SLC2A1: variants seen among roughly 807,000 people sequenced by gnomAD.
SLC2A1 encodes the protein solute carrier family 2, facilitated glucose transporter member 1.
SLC2A1 carries 4 observed loss-of-function variants against 46.6 expected under a neutral mutation model. The observed-to-expected ratio is 0.09, with a 90% CI of 0.04 to 0.20. The LOEUF (loss-of-function observed/expected upper bound fraction) is 0.20. Ranked by LOEUF, SLC2A1 falls within the 10% of genes least tolerant of loss-of-function variation. The pLI, the probability that SLC2A1 is intolerant of heterozygous loss-of-function variation, is 1.00. For synonymous variants in SLC2A1, 253 were observed against 270.0 expected, an observed-to-expected ratio of 0.94 and a Z score of 0.62; for missense variants, 352 against 667.0, an observed-to-expected ratio of 0.53 and a Z score of 5.20.
Position 42,958,868 on chromosome 1 carries a change from T to A in SLC2A1, c.-217A>T. 7.4e-6 allele frequency: 4 copies of A among 538,658 alleles called. No individual in the cohort carries two copies. The highest frequency in any genetic ancestry group is 3.4e-4 in the Middle Eastern group (1 of 2,972). The allele number at this position is 538,658 out of a possible 1,614,324, so 33.4% of individuals were successfully genotyped here. A position where few individuals can be genotyped will look rare whatever the true frequency, so the allele number is the denominator to read the frequency against. ...CTCGCTGTTGCTACCTCTTGCCTCT[T>A]GCCAGAGAGCGCGCGGACCGTAGCG... On this transcript the variant is annotated 5_prime_UTR_variant, in exon 1 of 10. Coordinates refer to ENST00000426263, the MANE Select transcript of SLC2A1 (RefSeq NM_006516.4).
intron 8 of SLC2A1, 42 bp downstream of exon 8, chr1:42,928,890 A>AACTCTCCCGCATCCCTC (rs1254910588): frequency 6.4e-7 from 1 of 1,567,028 alleles, no homozygotes; most frequent in East Asian, 2.2e-5. Context: ...AGCCCAGGCA[A>AACTCTCCCGCATCCCTC]ACTCTCCCGC....
chr1:42,929,743 A>G lies in SLC2A1; in HGVS notation c.717T>C (p.His239=), dbSNP rs1643467411. 1.1e-5 allele frequency: 17 copies of G among 1,614,126 alleles called. No homozygotes were observed. Among genetic ancestry groups the G allele is most frequent in the Non-Finnish European group, 1.4e-5 (16 of 1,180,014 alleles). ...KKLRGTADVT[H]DLQEMKEESR... ...TCTCTTCCTTCATCTCCTGCAGGTC[A>G]TGGGTCACGTCAGCTGTCCCGCGCA... The change falls in exon 6 of 10, where the codon CAT becomes CAC. Residue 239 remains histidine, a synonymous_variant. Transcript: ENST00000426263. The surrounding 1 kb of genome is among the most constrained non-coding windows in gnomAD (Gnocchi z 6.0).
rs780919585 is a variant in SLC2A1, at chr1:42,929,564, G to A, written c.867+29C>T. ...CACTTGACCAGAGGGCTTGGCTGGG[G>A]CACAGGAAGGGTGGGTGGGGGCACT... On this transcript the variant is annotated intron_variant, in intron 6 of 9. Coordinates refer to ENST00000426263, the MANE Select transcript of SLC2A1 (RefSeq NM_006516.4). The surrounding 1 kb of genome is among the most constrained non-coding windows in gnomAD (Gnocchi z 6.0). 4 of 1,593,518 alleles carry A rather than the reference G, an allele frequency of 2.5e-6. No individual in the cohort carries two copies. The highest frequency in any genetic ancestry group is 1.7e-5 in the Admixed American group (1 of 59,742).
In SLC2A1 at chr1:42,934,542, CA is replaced by C. The variant is rs530077364; in HGVS notation, c.115-3337del. On this transcript the variant is annotated intron_variant, in intron 2 of 9. Coordinates refer to ENST00000426263, the MANE Select transcript of SLC2A1 (RefSeq NM_006516.4). ...ACGCTGACTCTTGGCCCAGGAAAGG[CA>C]GGGGGATGCTGGAGAATGAGAAGAA... Among the ~76,000 whole-genome samples the C allele has an allele frequency of 1.3e-4, 20 of 152,268 alleles. No homozygotes were observed. In the South Asian group the frequency reaches 2.9e-3, roughly 22 times the overall value.
rs775727392 is a variant in SLC2A1, at chr1:42,928,906, TCA to T, written c.1074+24_1074+25del. 5.0e-6 allele frequency: 8 copies of T among 1,598,604 alleles called. No individual in the cohort carries two copies. In the South Asian group the frequency reaches 7.7e-5, roughly 15 times the overall value. ...GCCCAGGCAAACTCTCCCGCATCCCTCACTCTCCAGAACCTAGCAACTCACCA... is the reference window on the plus strand; with the variant it reads ...GCCCAGGCAAACTCTCCCGCATCCCTCTCTCCAGAACCTAGCAACTCACCA... On this transcript the variant is annotated intron_variant, in intron 8 of 9. Transcript: ENST00000426263.
Position 42,926,626 on chromosome 1 carries a change from T to G in SLC2A1, c.*415A>C. 1 of 1,100,664 alleles carries G rather than the reference T, an allele frequency of 9.1e-7. No individual in the cohort carries two copies. The highest frequency in any genetic ancestry group is 1.2e-6 in the Non-Finnish European group (1 of 829,048). 68.2% of individuals were successfully genotyped at this position (1,100,664 alleles called of 1,614,324 possible). Reference sequence around the variant, plus strand: ...GGGATAGAAGCTTTGTAGTTCATAGTTCGATTAGTGTGTCCTTAGGACATA... The same window carrying G: ...GGGATAGAAGCTTTGTAGTTCATAGGTCGATTAGTGTGTCCTTAGGACATA... On this transcript the variant is annotated 3_prime_UTR_variant, in exon 10 of 10. Coordinates refer to ENST00000426263, the MANE Select transcript of SLC2A1 (RefSeq NM_006516.4).
chr1:42,940,663 G>T (rs1336188169), intron 2 of SLC2A1, among the ~76,000 whole-genome samples: 1 of 152,042 alleles, frequency 6.6e-6, no homozygotes, highest in Non-Finnish European at 1.5e-5. Flanking sequence ...GCTCAGGCTG[G>T]TCTTGAACTC....
rs193191414 is a variant in SLC2A1 at position 42,938,412 on chromosome 1, G to A, written c.114+4814C>T. Among the ~76,000 whole-genome samples, 3 of 152,348 alleles carry A rather than the reference G, an allele frequency of 2.0e-5. No homozygotes were observed. The East Asian group carries it at 5.8e-4, about 29-fold the overall frequency. ...TCCCTCATTTAGAAGAGGGGAAGAT[G>A]TCAGCCCCGCCTGCCTTGTAGAGTT... On this transcript the variant is annotated intron_variant, in intron 2 of 9. Transcript: ENST00000426263.
Position 42,954,418 on chromosome 1 carries a change from G to A in SLC2A1, c.18+4216C>T, listed in dbSNP as rs942388713. On this transcript the variant is annotated intron_variant, in intron 1 of 9. Coordinates refer to ENST00000426263, the MANE Select transcript of SLC2A1 (RefSeq NM_006516.4). The surrounding 1 kb of genome is among the most constrained non-coding windows in gnomAD (Gnocchi z 4.2). ...CACATGCCTGTAATCCCAGCTACTC[G>A]GGAGGCTGAGGCAGGAGAACCACTA... Among the ~76,000 whole-genome samples the A allele has an allele frequency of 3.3e-5, 5 of 152,162 alleles. No individual in the cohort carries two copies. The highest frequency in any genetic ancestry group is 1.3e-4 in the Admixed American group (2 of 15,266).
At chr1:42,958,228 T>C (rs1643800397) in intron 1 of SLC2A1, among the ~76,000 whole-genome samples, 1 of 151,034 alleles carries the variant, frequency 6.6e-6, no homozygotes, top group African/African-American at 2.4e-5. Flanking sequence ...GCTCAGCCAA[T>C]GGGCGCCGCG....
Position 42,929,267 on chromosome 1 carries a change from C to T in SLC2A1, c.915G>A (p.Gln305=). The change falls in exon 7 of 10, where the codon CAG becomes CAA. Residue 305 remains glutamine, a synonymous_variant. Coordinates refer to ENST00000426263, the MANE Select transcript of SLC2A1 (RefSeq NM_006516.4). This position sits in a 1 kb window ranked among gnomAD's most constrained non-coding sequence, Gnocchi z 6.0. ...CGGAGCCAATGGTGGCATACACAGG[C>T]TGCTGCACCCCCGCCTTCTCGAAGA... ...TSIFEKAGVQ[Q]PVYATIGSGI... is the part of the protein sequence containing the mutation. 1 of 1,614,078 alleles carries T rather than the reference C, an allele frequency of 6.2e-7. No individual in the cohort carries two copies. Among genetic ancestry groups the T allele is most frequent in the Non-Finnish European group, 8.5e-7 (1 of 1,179,966 alleles).
chr1:42,931,751 A>G (rs1390200402), intron 2 of SLC2A1, among the ~76,000 whole-genome samples: 2 of 149,648 alleles, frequency 1.3e-5, no homozygotes, highest in African/African-American at 4.9e-5. Flanking sequence ...GCTTAAACCC[A>G]GGACACGGAG....
intron 1 of SLC2A1, among the ~76,000 whole-genome samples, chr1:42,948,695 G>A (rs371352389): frequency 5.3e-5 from 8 of 152,172 alleles, no homozygotes; most frequent in Middle Eastern, 6.8e-3. Flanking sequence ...CTGGTAGGCC[G>A]AGGCGGGCGG....
rs986868298 is a variant in SLC2A1 at position 42,930,511 on chromosome 1, C to A, written c.516+115G>T. The A allele has an allele frequency of 1.4e-6, 2 of 1,433,202 alleles. No homozygotes were observed. The highest frequency in any genetic ancestry group is 1.9e-6 in the Non-Finnish European group (2 of 1,036,168). 88.8% of individuals were successfully genotyped at this position (1,433,202 alleles called of 1,614,324 possible). On this transcript the variant is annotated intron_variant, in intron 4 of 9. Coordinates refer to ENST00000426263, the MANE Select transcript of SLC2A1 (RefSeq NM_006516.4). The surrounding 1 kb of genome is among the most constrained non-coding windows in gnomAD (Gnocchi z 6.2). Reference sequence around the variant, plus strand: ...ACCTGTGTACCATAGTTGTCCTCTGCAAGGCTGTGGGGGCTGGGCGGAAGA... The same window carrying A: ...ACCTGTGTACCATAGTTGTCCTCTGAAAGGCTGTGGGGGCTGGGCGGAAGA...
At chr1:42,934,913 C>T (rs1242936700) in intron 2 of SLC2A1, among the ~76,000 whole-genome samples, 1 of 152,158 alleles carries the variant, frequency 6.6e-6, no homozygotes, top group East Asian at 1.9e-4. Flanking sequence ...ATTCTGCTCC[C>T]GACTCTTCCT....
At chr1:42,949,433 C>T (rs1643697799) in intron 1 of SLC2A1, among the ~76,000 whole-genome samples, 1 of 152,176 alleles carries the variant, frequency 6.6e-6, no homozygotes, top group Non-Finnish European at 1.5e-5. Flanking sequence ...TGGCATTCTA[C>T]CCTCTGACCG....
chr1:42,931,341 C>G (rs1643488187), intron 2 of SLC2A1, 135 bp from the exon 3 acceptor site: 3 of 869,058 alleles, frequency 3.5e-6, no homozygotes, highest in Non-Finnish European at 5.2e-6. Context: ...TGTTCTTGAG[C>G]CAAGTCCCTC....
chr1:42,931,012 C>A, intron 3 of SLC2A1, 34 bp downstream of exon 3: 1 of 1,613,522 alleles, frequency 6.2e-7, no homozygotes, highest in Non-Finnish European at 8.5e-7. Flanking sequence ...GGCATGGGCC[C>A]TCCAAGGGCA....
At chr1:42,942,928 T>C (rs1255390399) in intron 2 of SLC2A1, 1 of 459,588 alleles carries the variant, frequency 2.2e-6, no homozygotes, top group African/African-American at 2.0e-5. Context: ...GCTTTGAGTT[T>C]ATTATATCAT....
Sources: gnomAD v4.1 joint callset for allele counts (sites outside exome capture counted in the v4.1 genomes callset) on GRCh38, gnomAD v4.1.1 for gene constraint, Gnocchi (gnomAD v3.1) non-coding constraint, MANE v1.5 for transcripts, NCBI Gene and HGNC (gene_info 2026-07-23, HGNC 2026-07-21) for gene names.